EDIL3: variants seen among roughly 807,000 people sequenced by gnomAD.
EDIL3 encodes the protein EGF like and discoidin domains 3, also known as EGF-like repeat and discoidin I-like domain-containing protein 3.
EDIL3 carries 37 observed loss-of-function variants against 67.4 expected under a neutral mutation model. The observed-to-expected ratio is 0.55, with a 90% confidence interval of 0.42 to 0.72. The LOEUF is 0.72. Among genes scored for constraint, EDIL3 ranks in the 30% least tolerant of loss-of-function variants. The probability of loss-of-function intolerance (pLI) is 0.00; values close to 1 mark genes in which losing one functional copy is unlikely to be tolerated. For missense variants in EDIL3, 527 were observed against 586.3 expected (o/e 0.90, Z 1.04); for synonymous variants, 195 against 196.3 (o/e 0.99, Z 0.05).
intron 5 of EDIL3, among the ~76,000 whole-genome samples, chr5:84,122,001 T>C (rs879527268): frequency 1.3e-5 from 2 of 151,948 alleles, no homozygotes; most frequent in African/African-American, 2.4e-5. Flanking sequence ...AAAAACATCA[T>C]TGATCAATTT....
intron 1 of EDIL3, among the ~76,000 whole-genome samples, chr5:84,349,215 T>C (rs941778643): frequency 6.6e-6 from 1 of 152,168 alleles, no homozygotes; most frequent in Admixed American, 6.6e-5. Context: ...CAACAGTGCA[T>C]CGGATTTTTC....
chr5:84,363,760 CTG>C (rs1484474159), intron 1 of EDIL3, among the ~76,000 whole-genome samples: 1 of 152,020 alleles, frequency 6.6e-6, no homozygotes, highest in African/African-American at 2.4e-5. Context: ...AACTTCTTGA[CTG>C]TATAAATTTG....
In EDIL3 at chr5:84,338,797, C is replaced by T. The variant is rs187510408; in HGVS notation, c.67+45511G>A. On this transcript the variant is annotated intron_variant, in intron 1 of 10. Transcript: ENST00000296591. ...GCCTCATTTTTCAAGGCTAAGGCAG[C>T]ACCCCAGGCCCAGATATGTGGGCAT... Among the ~76,000 whole-genome samples the T allele has an allele frequency of 1.2e-4, 19 of 152,280 alleles. No individual in the cohort carries two copies. The East Asian group carries it at 3.5e-3, about 28-fold the overall frequency.
intron 4 of EDIL3, among the ~76,000 whole-genome samples, chr5:84,139,094 T>C (rs539162020): frequency 6.6e-6 from 1 of 152,084 alleles, no homozygotes; most frequent in South Asian, 2.1e-4. Context: ...AAAAATTAGC[T>C]GGTGTGGTGG....
intron 1 of EDIL3, among the ~76,000 whole-genome samples, chr5:84,330,976 T>A (rs533701760): frequency 1.3e-5 from 2 of 152,198 alleles, no homozygotes; most frequent in African/African-American, 4.8e-5. Flanking sequence ...ATGTGAGACA[T>A]GGAGTCAAAG....
chr5:83,971,713 G>C (rs1744797093), intron 9 of EDIL3, among the ~76,000 whole-genome samples: 1 of 151,806 alleles, frequency 6.6e-6, no homozygotes, highest in Non-Finnish European at 1.5e-5. Flanking sequence ...TGACAGAGAA[G>C]AGTCCTGGTG....
chr5:84,145,804 T>C (rs1345405785), intron 4 of EDIL3, among the ~76,000 whole-genome samples: 2 of 121,404 alleles, frequency 1.6e-5, no homozygotes, highest in East Asian at 2.5e-4. Flanking sequence ...TCTTTGTTTA[T>C]CTGAAATTCA....
Position 83,943,251 on chromosome 5 carries a change from G to A in EDIL3, c.*168C>T, listed in dbSNP as rs1744256010. On this transcript the variant is annotated 3_prime_UTR_variant, in exon 11 of 11. Transcript: ENST00000296591. ...AAAATCAAATTAAATCATTGAAAAGGCAGGCTTAGACCCCCTTAAAAACAC... is the reference window on the plus strand; with the variant it reads ...AAAATCAAATTAAATCATTGAAAAGACAGGCTTAGACCCCCTTAAAAACAC... The A allele has an allele frequency of 2.8e-6, 2 of 716,426 alleles. No individual in the cohort carries two copies. Among genetic ancestry groups the A allele is most frequent in the East Asian group, 5.7e-5 (2 of 34,926 alleles). The allele number at this position is 716,426 out of a possible 1,614,324, so 44.4% of individuals were successfully genotyped here. A position where few individuals can be genotyped will look rare whatever the true frequency, so the allele number is the denominator to read the frequency against.
chr5:84,262,520 T>C (rs1267784396), intron 1 of EDIL3, among the ~76,000 whole-genome samples: 1 of 152,134 alleles, frequency 6.6e-6, no homozygotes, highest in African/African-American at 2.4e-5. Context: ...GCACTCACTA[T>C]GTTAGGGAAA....
At chr5:84,141,928 T>TATATATATATATATAC (rs1748200234) in intron 4 of EDIL3, among the ~76,000 whole-genome samples, 2 of 121,308 alleles carry the variant, frequency 1.6e-5, no homozygotes, top group East Asian at 2.4e-4. Flanking sequence ...TATATACACA[T>TATATATATATATATAC]ATATATATAT....
chr5:84,282,986 G>A (rs1745734144), intron 1 of EDIL3, among the ~76,000 whole-genome samples: 1 of 151,848 alleles, frequency 6.6e-6, no homozygotes, highest in African/African-American at 2.4e-5. Context: ...GAAATTACCT[G>A]ATCAAATGTT....
At chr5:84,041,378 T>C (rs1397875758) in intron 9 of EDIL3, among the ~76,000 whole-genome samples, 2 of 151,630 alleles carry the variant, frequency 1.3e-5, no homozygotes, top group African/African-American at 2.4e-5. Flanking sequence ...GCAGGAGGTC[T>C]CCAAACCATG....
chr5:84,236,567 T>C (rs1043422061), intron 2 of EDIL3, among the ~76,000 whole-genome samples: 1 of 152,060 alleles, frequency 6.6e-6, no homozygotes, highest in Non-Finnish European at 1.5e-5. Context: ...CTAACCCCAC[T>C]ACCTTTTAAA....
At chr5:84,362,722 T>C (rs1441069889) in intron 1 of EDIL3, among the ~76,000 whole-genome samples, 1 of 152,168 alleles carries the variant, frequency 6.6e-6, no homozygotes, top group Non-Finnish European at 1.5e-5. Flanking sequence ...TTATAACATA[T>C]TCTCAATTAA....
At chr5:84,149,477 A>G (rs1037398308) in intron 4 of EDIL3, among the ~76,000 whole-genome samples, 1 of 152,176 alleles carries the variant, frequency 6.6e-6, no homozygotes, top group African/African-American at 2.4e-5. Context: ...GATTAAATAA[A>G]TTATTGGTCC....
chr5:84,325,070 TGGCA>T (rs1746729431), intron 1 of EDIL3, among the ~76,000 whole-genome samples: 2 of 151,934 alleles, frequency 1.3e-5, no homozygotes, highest in South Asian at 4.1e-4. Context: ...ACATTGGATT[TGGCA>T]GTGATTTCTT....
chr5:84,128,179 T>C (rs979253669), intron 5 of EDIL3, among the ~76,000 whole-genome samples: 2 of 152,122 alleles, frequency 1.3e-5, no homozygotes, highest in South Asian at 4.1e-4. Context: ...AGCTCCATAG[T>C]TGCCAGTCAA....
At chr5:84,316,456 A>T (rs982660351) in intron 1 of EDIL3, among the ~76,000 whole-genome samples, 1 of 152,184 alleles carries the variant, frequency 6.6e-6, no homozygotes, top group African/African-American at 2.4e-5. Flanking sequence ...CGGGGGTTGC[A>T]ATCCTAGTCT....
At chr5:83,983,335 A>C (rs1377424288) in intron 9 of EDIL3, among the ~76,000 whole-genome samples, 1 of 152,154 alleles carries the variant, frequency 6.6e-6, no homozygotes, top group Non-Finnish European at 1.5e-5. Flanking sequence ...TTAGGTATTG[A>C]GGAACATGCT....
Sources: allele counts gnomAD v4.1 joint callset (sites outside exome capture counted in the v4.1 genomes callset), GRCh38; gene constraint gnomAD v4.1.1; transcripts MANE v1.5; gene names NCBI Gene and HGNC (gene_info 2026-07-23, HGNC 2026-07-21).